BTBD7: variants seen among roughly 807,000 people sequenced by gnomAD.
BTBD7 encodes the protein BTB domain containing 7.
Under a neutral mutation model 99.9 loss-of-function variants are expected in BTBD7, and 38 were observed. The ratio of observed to expected loss-of-function variants is 0.38; its 90% CI spans 0.29 to 0.50. BTBD7 has a LOEUF of 0.50. Ranked by LOEUF, BTBD7 falls within the 20% of genes least tolerant of loss-of-function variation. BTBD7 has a pLI of 0.93. For synonymous variants in BTBD7, 520 were observed against 511.4 expected (o/e 1.02, Z -0.23); for missense variants, 1,170 against 1,394.6 (o/e 0.84, Z 2.57).
chr14:93,296,761 G>A (rs1177326241), intron 1 of BTBD7, among the ~76,000 whole-genome samples: 1 of 152,022 alleles, frequency 6.6e-6, no homozygotes, highest in Non-Finnish European at 1.5e-5. Flanking sequence ...CACATTGCAA[G>A]AGACACAAAA....
At chr14:93,313,908 C>T (rs1006153634) in intron 1 of BTBD7, among the ~76,000 whole-genome samples, 8 of 151,500 alleles carry the variant, frequency 5.3e-5, no homozygotes, top group Non-Finnish European at 1.2e-4. Flanking sequence ...TAATGAACAA[C>T]AAAATTTTTT....
rs1409450828 is a variant in BTBD7, at chr14:93,248,463, T to G, written c.2121+13A>C. On this transcript the variant is annotated intron_variant, in intron 9 of 10. Transcript: ENST00000334746. ...AGGCTCCCTATTTTAAACAGTTTAA[T>G]GTCATTTCCTACCTGCAACAGCTCT... 6.2e-7 allele frequency: 1 copy of G among 1,613,088 alleles called. No individual in the cohort carries two copies. Among genetic ancestry groups the G allele is most frequent in the Admixed American group, 1.7e-5 (1 of 59,968 alleles).
intron 4 of BTBD7, 127 bp downstream of exon 4, chr14:93,263,658 C>A: frequency 1.2e-6 from 1 of 830,038 alleles, no homozygotes; most frequent in South Asian, 1.7e-5. Context: ...GAGGGCAGTC[C>A]TGGGTGGTTT....
rs2052947960 is a variant in BTBD7 at position 93,297,841 on chromosome 14, T to C, written c.-106-1684A>G. 2.0e-5 allele frequency among the ~76,000 whole-genome samples: 3 copies of C among 152,040 alleles called. No individual in the cohort carries two copies. The South Asian group carries it at 6.2e-4, about 31-fold the overall frequency. On this transcript the variant is annotated intron_variant, in intron 1 of 10. Transcript: ENST00000334746. ...TCCTTTCTCAAAAGAGTTTAAAATA[T>C]ATAAACAAAAATCCAGAATAAAACT...
intron 1 of BTBD7, among the ~76,000 whole-genome samples, chr14:93,323,649 T>C (rs370251079): frequency 2.6e-5 from 4 of 152,228 alleles, no homozygotes; most frequent in South Asian, 2.1e-4. Flanking sequence ...AAATGTAATA[T>C]TGCTCCTTCC....
At chr14:93,257,051 G>T (rs772439917) in intron 6 of BTBD7, 144 bp downstream of exon 6, 5 of 786,454 alleles carry the variant, frequency 6.4e-6, no homozygotes, top group Non-Finnish European at 9.9e-6. Flanking sequence ...ATACAACATC[G>T]TACACAATAG....
chr14:93,299,654 C>A (rs116070409), intron 1 of BTBD7, among the ~76,000 whole-genome samples: 173 of 150,192 alleles, frequency 1.2e-3, no homozygotes, highest in African/African-American at 4.1e-3. Flanking sequence ...TCACGGCAGA[C>A]CTAACTGTGG....
At chr14:93,319,194 C>T (rs1332630950) in intron 1 of BTBD7, among the ~76,000 whole-genome samples, 1 of 152,198 alleles carries the variant, frequency 6.6e-6, no homozygotes, top group African/African-American at 2.4e-5. Flanking sequence ...GCCTGGACAA[C>T]AGAATGAGAC....
chr14:93,258,384 T>C (rs973358223), intron 5 of BTBD7, among the ~76,000 whole-genome samples: 3 of 152,098 alleles, frequency 2.0e-5, no homozygotes, highest in Non-Finnish European at 2.9e-5. Flanking sequence ...CTTTTCAAAA[T>C]ATTTTTTTTT....
intron 3 of BTBD7, among the ~76,000 whole-genome samples, chr14:93,276,892 A>ATTT (rs549579457): frequency 1.0e-4 from 8 of 80,370 alleles, no homozygotes; most frequent in Non-Finnish European, 1.8e-4. Context: ...ACACAGATTA[A>ATTT]TTTTTTTTTT....
intron 1 of BTBD7, among the ~76,000 whole-genome samples, chr14:93,314,092 A>G (rs1245939571): frequency 6.6e-6 from 1 of 152,148 alleles, no homozygotes; most frequent in Non-Finnish European, 1.5e-5. Flanking sequence ...GTTATGAAAT[A>G]CTTCTTAAAT....
rs2052193683 is a variant in BTBD7, at chr14:93,239,279, T to A, written c.*2994A>T. 6.6e-6 allele frequency: 1 copy of A among 152,484 alleles called. No individual in the cohort carries two copies. Among genetic ancestry groups the A allele is most frequent in the Non-Finnish European group, 1.5e-5 (1 of 68,004 alleles). The allele number at this position is 152,484 out of a possible 1,614,324, so 9.4% of individuals were successfully genotyped here. ...TCGGCTCTAGCGTGTAAACGGTAGG[T>A]CTCTAACCTCAACGCACAGCGGGCA... On this transcript the variant is annotated 3_prime_UTR_variant, in exon 11 of 11. Transcript: ENST00000334746.
At chr14:93,290,171 C>T (rs377530211) in intron 3 of BTBD7, among the ~76,000 whole-genome samples, 1 of 150,704 alleles carries the variant, frequency 6.6e-6, no homozygotes, top group African/African-American at 2.4e-5. Flanking sequence ...ATCCTTTTAC[C>T]CACTTGCCAA....
rs559787144 is a variant in BTBD7, at chr14:93,264,464, T to C, written c.1163-471A>G. On this transcript the variant is annotated intron_variant, in intron 3 of 10. Coordinates refer to ENST00000334746, the MANE Select transcript of BTBD7 (RefSeq NM_001002860.4). Reference sequence around the variant, plus strand: ...CTCTTTGTATGAAAACATAGCACCTTGCATTGTTGACAGTTTAATCCTTCA... The same window carrying C: ...CTCTTTGTATGAAAACATAGCACCTCGCATTGTTGACAGTTTAATCCTTCA... Among the ~76,000 whole-genome samples, 23 of 152,284 alleles carry C rather than the reference T, an allele frequency of 1.5e-4. No homozygotes were observed. In the South Asian group the frequency reaches 3.7e-3, roughly 25 times the overall value.
At chr14:93,255,740 C>T (rs1270800212) in intron 6 of BTBD7, 1 of 152,234 alleles carries the variant, frequency 6.6e-6, no homozygotes, top group Non-Finnish European at 1.5e-5. Flanking sequence ...AGGTGATCCA[C>T]CTGCCTTGGC....
chr14:93,276,663 G>A (rs2052659277), intron 3 of BTBD7, among the ~76,000 whole-genome samples: 1 of 152,110 alleles, frequency 6.6e-6, no homozygotes. Context: ...ATGGGAAAGA[G>A]GCAATCACTG....
rs775876015 is a variant in BTBD7 at position 93,326,735 on chromosome 14, C to T, written c.-107+6085G>A. On this transcript the variant is annotated intron_variant, in intron 1 of 10. Coordinates refer to ENST00000334746, the MANE Select transcript of BTBD7 (RefSeq NM_001002860.4). The stretch of plus-strand genomic sequence containing the variant: ...GAGAGAATCACTTGAACCTGGGAGG[C>T]AGCAGTTGCAGTGAGCCAGGATCAC... 2.7e-5 allele frequency among the ~76,000 whole-genome samples: 4 copies of T among 149,462 alleles called. No individual in the cohort carries two copies. In the South Asian group the frequency reaches 8.5e-4, roughly 32 times the overall value.
chr14:93,293,892 T>A lies in BTBD7; in HGVS notation c.1128A>T (p.Ile376=), dbSNP rs1484142191. The change falls in exon 3 of 11, where the codon ATA becomes ATT. Residue 376 remains isoleucine, a synonymous_variant. Coordinates refer to ENST00000334746, the MANE Select transcript of BTBD7 (RefSeq NM_001002860.4). ...GCATGTTAAATTCCAAGAACAGTGC[T>A]ATGTGGTAAAGTTCCATGGCTTCTT... ...RAEEAMELYH[I]ALFLEFNMLA... 5 of 1,613,524 alleles carry A rather than the reference T, an allele frequency of 3.1e-6. No homozygotes were observed. Among genetic ancestry groups the A allele is most frequent in the Non-Finnish European group, 4.2e-6 (5 of 1,179,782 alleles).
intron 3 of BTBD7, chr14:93,288,655 G>T: frequency 7.3e-7 from 1 of 1,376,808 alleles, no homozygotes; most frequent in Non-Finnish European, 1.0e-6. Context: ...GAGGCAGTAA[G>T]CAGCTGTTTG....
Sources: allele counts gnomAD v4.1 joint callset (sites outside exome capture counted in the v4.1 genomes callset), GRCh38; gene constraint gnomAD v4.1.1; transcripts MANE v1.5; gene names NCBI Gene and HGNC (gene_info 2026-07-23, HGNC 2026-07-21).